MYO1D: variants seen among roughly 807,000 people sequenced by gnomAD.
MYO1D encodes myosin ID.
Under a neutral mutation model 122.0 loss-of-function variants are expected in MYO1D, and 83 were observed. That is an observed-to-expected ratio of 0.68 (90% confidence interval 0.57 to 0.82). The LOEUF (loss-of-function observed/expected upper bound fraction) is 0.82. Among genes scored for constraint, MYO1D ranks in the 40% least tolerant of loss-of-function variants. The pLI is 0.00. For missense variants in MYO1D, 1,157 were observed against 1,269.5 expected, an observed-to-expected ratio of 0.91 and a Z score of 1.35; for synonymous variants, 464 against 446.9, an observed-to-expected ratio of 1.04 and a Z score of -0.48.
chr17:32,553,090 A>AC (rs371897711), intron 21 of MYO1D, among the ~76,000 whole-genome samples: 2 of 132,718 alleles, frequency 1.5e-5, no homozygotes, highest in Non-Finnish European at 3.1e-5. Flanking sequence ...AAAAAAAAAA[A>AC]CAAAAAACAA....
chr17:32,732,572 G>C (rs1049792049), intron 14 of MYO1D, among the ~76,000 whole-genome samples: 1 of 152,156 alleles, frequency 6.6e-6, no homozygotes, highest in Admixed American at 6.5e-5. Context: ...GTAGACAATG[G>C]GAGGACCTGA....
chr17:32,733,176 G>A (rs1454624965), intron 14 of MYO1D, among the ~76,000 whole-genome samples: 1 of 152,232 alleles, frequency 6.6e-6, no homozygotes, highest in African/African-American at 2.4e-5. Flanking sequence ...CTGCGAGGCT[G>A]AGTAGGTGGA....
intron 20 of MYO1D, among the ~76,000 whole-genome samples, chr17:32,615,782 C>T (rs1009459854): frequency 3.3e-5 from 5 of 152,162 alleles, no homozygotes; most frequent in Non-Finnish European, 7.3e-5. Flanking sequence ...AAATTCTATC[C>T]GATAAACAAC....
chr17:32,830,047 A>C (rs1361174183), intron 1 of MYO1D, among the ~76,000 whole-genome samples: 1 of 152,230 alleles, frequency 6.6e-6, no homozygotes, highest in African/African-American at 2.4e-5. Context: ...CTTATGAATA[A>C]AGTTAACTGA....
intron 21 of MYO1D, among the ~76,000 whole-genome samples, chr17:32,599,631 G>A (rs1169659506): frequency 6.6e-6 from 1 of 152,104 alleles, no homozygotes; most frequent in African/African-American, 2.4e-5. Flanking sequence ...TATGGCAGCT[G>A]TGGCCTTATG....
chr17:32,550,175 C>T (rs1162794088), intron 21 of MYO1D, among the ~76,000 whole-genome samples: 1 of 151,632 alleles, frequency 6.6e-6, no homozygotes, highest in Non-Finnish European at 1.5e-5. Flanking sequence ...TCTCAGCTCA[C>T]TGCAACCCCT....
intron 1 of MYO1D, among the ~76,000 whole-genome samples, chr17:32,790,944 AG>A (rs2090343975): frequency 6.6e-6 from 1 of 152,266 alleles, no homozygotes. Context: ...GAACAGGGAA[AG>A]TACAAAATGA....
chr17:32,509,022 A>G (rs17806387), intron 21 of MYO1D, among the ~76,000 whole-genome samples: 1,690 of 152,374 alleles, frequency 0.011, 11 homozygotes, highest in Non-Finnish European at 0.017. Flanking sequence ...AGCTGGGGCT[A>G]ATGTCAACAC....
intron 19 of MYO1D, among the ~76,000 whole-genome samples, chr17:32,645,894 C>T (rs1046762446): frequency 6.6e-6 from 1 of 152,230 alleles, no homozygotes; most frequent in Non-Finnish European, 1.5e-5. Flanking sequence ...AAGCCTTCTT[C>T]TCTCAGCTCG....
At position 32,627,314 on chromosome 17, in the gene MYO1D, G is replaced by A. The variant is rs141981788; in HGVS notation, c.2709+11408C>T. On this transcript the variant is annotated intron_variant, in intron 20 of 21. Coordinates refer to ENST00000318217, the MANE Select transcript of MYO1D (RefSeq NM_015194.3). ...CACACCAGCACAGGCGGTGCCAGAC[G>A]TCAGCTGACTGTATCCATTGAGGTT... Among the ~76,000 whole-genome samples, 10 of 152,314 alleles carry A rather than the reference G, an allele frequency of 6.6e-5. No homozygotes were observed. In the East Asian group the frequency reaches 1.7e-3, roughly 26 times the overall value.
intron 21 of MYO1D, among the ~76,000 whole-genome samples, chr17:32,538,555 G>A (rs1363338880): frequency 6.6e-6 from 1 of 151,388 alleles, no homozygotes; most frequent in African/African-American, 2.4e-5. Context: ...GAGGCTTGGT[G>A]TCCAAAAGCA....
Position 32,737,457 on chromosome 17 carries a change from C to T in MYO1D, c.1746+796G>A, listed in dbSNP as rs528442469. On this transcript the variant is annotated intron_variant, in intron 14 of 21. Transcript: ENST00000318217. ...CTCACTGCAACCTCTGCCTCCCAGG[C>T]TCAAGCGATCCTCCCACCTTAGCCT... 3.3e-5 allele frequency among the ~76,000 whole-genome samples: 5 copies of T among 151,870 alleles called. No homozygotes were observed. In the East Asian group the frequency reaches 9.7e-4, roughly 30 times the overall value.
intron 6 of MYO1D, among the ~76,000 whole-genome samples, chr17:32,769,566 T>G (rs1219226109): frequency 6.6e-6 from 1 of 152,036 alleles, no homozygotes; most frequent in Non-Finnish European, 1.5e-5. Flanking sequence ...ACTTAATAGT[T>G]ATAAAAATTA....
At chr17:32,710,259 G>T (rs1203379824) in intron 16 of MYO1D, among the ~76,000 whole-genome samples, 1 of 152,106 alleles carries the variant, frequency 6.6e-6, no homozygotes, top group Non-Finnish European at 1.5e-5. Flanking sequence ...GACAGGATGT[G>T]TGTGTAAGTG....
chr17:32,676,850 G>A (rs971270769), intron 16 of MYO1D, among the ~76,000 whole-genome samples: 1 of 149,612 alleles, frequency 6.7e-6, no homozygotes, highest in African/African-American at 2.5e-5. Context: ...TTGCTCTGTC[G>A]CCCAGACTGG....
chr17:32,653,722 G>C (rs2088431861), intron 19 of MYO1D, 121 bp downstream of exon 19: 1 of 764,786 alleles, frequency 1.3e-6, no homozygotes, highest in Admixed American at 2.5e-5. Flanking sequence ...GACAGGTCTA[G>C]TGAACTGATG....
chr17:32,785,035 C>G (rs2090279580), intron 1 of MYO1D, among the ~76,000 whole-genome samples: 1 of 152,062 alleles, frequency 6.6e-6, no homozygotes, highest in Non-Finnish European at 1.5e-5. Context: ...TAGTTAAAGA[C>G]ATCAATAAGG....
At chr17:32,561,541 TTAGC>T (rs1271655143) in intron 21 of MYO1D, among the ~76,000 whole-genome samples, 1 of 151,398 alleles carries the variant, frequency 6.6e-6, no homozygotes, top group African/African-American at 2.4e-5. Context: ...TACAAAAAAA[TTAGC>T]TGGGCGTGGT....
chr17:32,520,851 C>A (rs1263894440), intron 21 of MYO1D, among the ~76,000 whole-genome samples: 2 of 152,258 alleles, frequency 1.3e-5, no homozygotes, highest in Non-Finnish European at 2.9e-5. Flanking sequence ...GTTATTCCTG[C>A]ATTCCAGAAT....
Sources: gnomAD v4.1 joint callset for allele counts (sites outside exome capture counted in the v4.1 genomes callset) on GRCh38, gnomAD v4.1.1 for gene constraint, MANE v1.5 for transcripts, NCBI Gene and HGNC (gene_info 2026-07-23, HGNC 2026-07-21) for gene names.